The following IL1RAPL1 variants were observed in gnomAD, a reference collection of about 807,000 sequenced individuals.
The protein encoded by IL1RAPL1 is interleukin 1 receptor accessory protein like 1, also known as interleukin-1 receptor accessory protein-like 1.
IL1RAPL1 carries 3 observed loss-of-function variants against 48.4 expected under a neutral mutation model. That is an observed-to-expected ratio of 0.06 (90% CI 0.03 to 0.16). IL1RAPL1 has a LOEUF of 0.16. IL1RAPL1 is among the 10% of genes least tolerant of loss of function. IL1RAPL1 has a pLI of 1.00. For synonymous variants in IL1RAPL1, 185 were observed against 187.7 expected (o/e 0.99, Z 0.12); for missense variants, 349 against 530.6 (o/e 0.66, Z 3.36).
intron 1 of IL1RAPL1, among the ~76,000 whole-genome samples, chrX:28,752,930 C>T (rs954783545): frequency 1.8e-5 from 2 of 112,527 alleles, no homozygotes; most frequent in Admixed American, 9.4e-5. Context: ...AAGAGGTTTA[C>T]TTATGTTTAG....
intron 5 of IL1RAPL1, among the ~76,000 whole-genome samples, chrX:29,545,183 CTATCTAT>C (rs1921578893): frequency 8.6e-3 from 39 of 4,518 alleles, no homozygotes; most frequent in Non-Finnish European, 0.014. Flanking sequence ...CTAATCCTAT[CTATCTAT>C]CTATCTATCT....
chrX:29,578,788 G>A (rs1922861541), intron 5 of IL1RAPL1, among the ~76,000 whole-genome samples: 2 of 111,570 alleles, frequency 1.8e-5, no homozygotes, highest in Non-Finnish European at 3.8e-5. Flanking sequence ...TAACATAAAT[G>A]GGTGAATTTG....
intron 6 of IL1RAPL1, among the ~76,000 whole-genome samples, chrX:29,708,584 G>A (rs1927261240): frequency 9.0e-6 from 1 of 111,535 alleles, no homozygotes; most frequent in African/African-American, 3.3e-5. Flanking sequence ...ATTCCATTGT[G>A]TATATATACC....
chrX:29,008,324 G>A (rs865883651), intron 2 of IL1RAPL1, among the ~76,000 whole-genome samples: 16 of 108,251 alleles, frequency 1.5e-4, no homozygotes, highest in Non-Finnish European at 2.5e-4. Context: ...ACAGGCGCCC[G>A]CCACCACGCT....
Position 29,617,604 on chromosome X carries a change from A to C in IL1RAPL1, c.704-50826A>C, listed in dbSNP as rs143656291. On this transcript the variant is annotated intron_variant, in intron 5 of 10. Coordinates refer to ENST00000378993, the MANE Select transcript of IL1RAPL1 (RefSeq NM_014271.4). Reference sequence around the variant, plus strand: ...CCTGTATTGAAAAGCCGGCAACGAAAGAAACTTCACTAGAGGCTTGATGAA... The same window carrying C: ...CCTGTATTGAAAAGCCGGCAACGAACGAAACTTCACTAGAGGCTTGATGAA... Among the ~76,000 whole-genome samples the C allele has an allele frequency of 5.3e-5, 6 of 112,173 alleles. No individual in the cohort carries two copies. In the East Asian group the frequency reaches 1.4e-3, roughly 26 times the overall value.
intron 2 of IL1RAPL1, among the ~76,000 whole-genome samples, chrX:29,226,257 T>C (rs1196958271): frequency 9.0e-6 from 1 of 111,333 alleles, no homozygotes; most frequent in Non-Finnish European, 1.9e-5. Context: ...TCAGAACATC[T>C]GAGTCTCTCC....
intron 2 of IL1RAPL1, among the ~76,000 whole-genome samples, chrX:29,270,592 G>A (rs1019264474): frequency 2.4e-4 from 27 of 110,537 alleles, no homozygotes; most frequent in African/African-American, 8.9e-4. Flanking sequence ...ATATATGTGT[G>A]GATCTATTTC....
At chrX:28,934,486 T>A (rs1448134423) in intron 2 of IL1RAPL1, among the ~76,000 whole-genome samples, 4 of 111,386 alleles carry the variant, frequency 3.6e-5, no homozygotes, top group Non-Finnish European at 5.6e-5. Flanking sequence ...TACAATATTT[T>A]CATCACCCCC....
chrX:29,247,506 C>T (rs1931536596), intron 2 of IL1RAPL1, among the ~76,000 whole-genome samples: 1 of 111,516 alleles, frequency 9.0e-6, no homozygotes, highest in African/African-American at 3.3e-5. Flanking sequence ...ACAGAATTGG[C>T]CAGGTGCGGT....
intron 2 of IL1RAPL1, among the ~76,000 whole-genome samples, chrX:29,163,005 G>A (rs904937815): frequency 4.6e-5 from 5 of 108,816 alleles, no homozygotes; most frequent in African/African-American, 1.3e-4. Flanking sequence ...CCTGGGAGGC[G>A]GAGGTTGCAG....
intron 5 of IL1RAPL1, among the ~76,000 whole-genome samples, chrX:29,531,601 T>C (rs1217560579): frequency 8.9e-6 from 1 of 111,930 alleles, no homozygotes. Flanking sequence ...ATTTGTTTCC[T>C]AGGGTTGTCA....
chrX:29,897,254 CCT>C, intron 6 of IL1RAPL1, among the ~76,000 whole-genome samples: 1 of 112,351 alleles, frequency 8.9e-6, no homozygotes, highest in Middle Eastern at 4.6e-3. Context: ...ATTCAATTTG[CCT>C]CTCTACTACT....
At chrX:28,671,980 T>C (rs1185161560) in intron 1 of IL1RAPL1, among the ~76,000 whole-genome samples, 1 of 112,772 alleles carries the variant, frequency 8.9e-6, no homozygotes, top group Non-Finnish European at 1.9e-5. Context: ...ATTATAACCC[T>C]TTTTTCTTAC....
At chrX:29,124,147 T>C (rs1176779841) in intron 2 of IL1RAPL1, among the ~76,000 whole-genome samples, 1 of 112,091 alleles carries the variant, frequency 8.9e-6, no homozygotes, top group East Asian at 2.8e-4. Context: ...AACGGAAATA[T>C]ACTTAAAAGA....
Position 29,480,961 on chromosome X carries a change from TA to T in IL1RAPL1, c.703+81655del, listed in dbSNP as rs1285938358. ...TTTTCTTTATTGCAAAAGTAAATAT[TA>T]ATAGCATCCATCCTTAATACAAATT... is the stretch of plus-strand genomic sequence containing the variant. On this transcript the variant is annotated intron_variant, in intron 5 of 10. Coordinates refer to ENST00000378993, the MANE Select transcript of IL1RAPL1 (RefSeq NM_014271.4). Among the ~76,000 whole-genome samples the T allele has an allele frequency of 2.1e-4, 24 of 112,168 alleles. No homozygotes were observed. In the Admixed American group the frequency reaches 2.3e-3, roughly 11 times the overall value.
chrX:29,212,469 C>A (rs5943620), intron 2 of IL1RAPL1, among the ~76,000 whole-genome samples: 2 of 110,124 alleles, frequency 1.8e-5, no homozygotes, highest in Non-Finnish European at 3.8e-5. Flanking sequence ...CCACCATGCC[C>A]AGCTAATTTT....
intron 1 of IL1RAPL1, among the ~76,000 whole-genome samples, chrX:28,734,498 A>G (rs1444883826): frequency 5.5e-5 from 6 of 108,537 alleles, no homozygotes; most frequent in African/African-American, 2.0e-4. Flanking sequence ...CCATTTTCCC[A>G]TATATAATCC....
rs192003346 is a variant in IL1RAPL1 at position 29,529,720 on chromosome X, G to A, written c.703+130412G>A. On this transcript the variant is annotated intron_variant, in intron 5 of 10. Coordinates refer to ENST00000378993, the MANE Select transcript of IL1RAPL1 (RefSeq NM_014271.4). ...ATAAGAGAATATCTTTTGTTCTTAGGAAATACATACTGAAATATTAAGGGG... is the reference window on the plus strand; with the variant it reads ...ATAAGAGAATATCTTTTGTTCTTAGAAAATACATACTGAAATATTAAGGGG... Among the ~76,000 whole-genome samples the A allele has an allele frequency of 9.7e-4, 107 of 110,501 alleles. No homozygotes were observed. In the Middle Eastern group the frequency reaches 0.028, roughly 29 times the overall value.
chrX:29,375,260 C>T (rs1362897091), intron 3 of IL1RAPL1, among the ~76,000 whole-genome samples: 2 of 100,858 alleles, frequency 2.0e-5, no homozygotes, highest in Non-Finnish European at 4.0e-5. Flanking sequence ...CTCCCAGGTT[C>T]AAGCCATTCT....
Sources: gnomAD v4.1 joint callset for allele counts (sites outside exome capture counted in the v4.1 genomes callset) on GRCh38, gnomAD v4.1.1 for gene constraint, MANE v1.5 for transcripts, NCBI Gene and HGNC (gene_info 2026-07-23, HGNC 2026-07-21) for gene names.